Variants in DERA observed in about 807,000 individuals in gnomAD.
DERA encodes the protein deoxyribose-phosphate aldolase, also known as 2-deoxy-D-ribose 5-phosphate aldolase.
In DERA, 15 loss-of-function variants were observed where a neutral mutation model predicts 41.1. That is an observed-to-expected ratio of 0.37 (90% CI 0.24 to 0.56). The LOEUF (loss-of-function observed/expected upper bound fraction) is 0.56, where lower values mean the gene tolerates loss of function less well. Among genes scored for constraint, DERA ranks in the 20% least tolerant of loss-of-function variants. The pLI is 0.81. For missense variants in DERA, 396 were observed against 403.4 expected (o/e 0.98, Z 0.16); for synonymous variants, 139 against 137.4 (o/e 1.01, Z -0.08).
chr12:16,022,735 G>A (rs540987823), intron 6 of DERA, among the ~76,000 whole-genome samples: 1 of 152,318 alleles, frequency 6.6e-6, no homozygotes, highest in Admixed American at 6.5e-5. Flanking sequence ...GAGCGTCTCA[G>A]CTGAAATTTG....
Position 15,996,687 on chromosome 12 carries a change from G to A in DERA, c.637+14251G>A, listed in dbSNP as rs1948840387. Among the ~76,000 whole-genome samples the A allele has an allele frequency of 6.6e-6, 1 of 152,094 alleles. No individual in the cohort carries two copies. Among genetic ancestry groups the A allele is most frequent in the Non-Finnish European group, 1.5e-5 (1 of 68,014 alleles). On this transcript the variant is annotated intron_variant, in intron 6 of 8. Coordinates refer to ENST00000428559, the MANE Select transcript of DERA (RefSeq NM_015954.4). This position sits in a 1 kb window ranked among gnomAD's most constrained non-coding sequence, Gnocchi z 4.7. ...AGATTTTGACATCTCTTTTTTGGGG[G>A]AAACAATTCAAAGCAAAGAGAAATA...
Position 15,959,629 on chromosome 12 carries a change from C to T in DERA, c.278-200C>T, listed in dbSNP as rs1189025743. ...ATCAAACTTGTTTTTATGACTTTAA[C>T]GATAAGAAAATAATCCATATTGTCA... is the stretch of plus-strand genomic sequence containing the variant. On this transcript the variant is annotated intron_variant, in intron 3 of 8. Coordinates refer to ENST00000428559, the MANE Select transcript of DERA (RefSeq NM_015954.4). The surrounding 1 kb of genome is among the most constrained non-coding windows in gnomAD (Gnocchi z 4.5). Among the ~76,000 whole-genome samples the T allele has an allele frequency of 2.0e-5, 3 of 151,906 alleles. No individual in the cohort carries two copies. The highest frequency in any genetic ancestry group is 1.3e-4 in the Admixed American group (2 of 15,264).
chr12:15,920,548 A>G (rs888973710), intron 1 of DERA, among the ~76,000 whole-genome samples: 1 of 152,210 alleles, frequency 6.6e-6, no homozygotes, highest in Non-Finnish European at 1.5e-5. Context: ...TATTTGTATT[A>G]TGGAAGCTGG....
rs910153062 is a variant in DERA, at chr12:16,012,596, G to T, written c.638-19946G>T. ...TGTTTAGACAAGAGAGAATAGTCAA[G>T]TGCTGTCACAGGGGATCTTCTTATT... On this transcript the variant is annotated intron_variant, in intron 6 of 8. Transcript: ENST00000428559. This position sits in a 1 kb window ranked among gnomAD's most constrained non-coding sequence, Gnocchi z 4.1. Among the ~76,000 whole-genome samples, 2 of 152,216 alleles carry T rather than the reference G, an allele frequency of 1.3e-5. No homozygotes were observed. The highest frequency in any genetic ancestry group is 2.9e-5 in the Non-Finnish European group (2 of 68,038).
At chr12:15,997,698 A>G (rs1196625078) in intron 6 of DERA, among the ~76,000 whole-genome samples, 1 of 152,224 alleles carries the variant, frequency 6.6e-6, no homozygotes, top group East Asian at 1.9e-4. Flanking sequence ...CATAAAATCC[A>G]TTGATTGTAT....
intron 1 of DERA, among the ~76,000 whole-genome samples, chr12:15,948,190 C>T (rs1014937572): frequency 3.3e-5 from 5 of 152,126 alleles, no homozygotes; most frequent in Non-Finnish European, 7.3e-5. Context: ...CTTGGAGTTG[C>T]TCTTCTCGAG....
chr12:16,001,238 G>A lies in DERA; in HGVS notation c.637+18802G>A, dbSNP rs1948872673. ...CCTATGTAACAAACCTGCACATTCTGCACATGTTTATCCTATTTTTTTGTT... is the reference window on the plus strand; with the variant it reads ...CCTATGTAACAAACCTGCACATTCTACACATGTTTATCCTATTTTTTTGTT... On this transcript the variant is annotated intron_variant, in intron 6 of 8. Coordinates refer to ENST00000428559, the MANE Select transcript of DERA (RefSeq NM_015954.4). The surrounding 1 kb of genome is among the most constrained non-coding windows in gnomAD (Gnocchi z 4.1). Among the ~76,000 whole-genome samples, 1 of 152,118 alleles carries A rather than the reference G, an allele frequency of 6.6e-6. No individual in the cohort carries two copies. Among genetic ancestry groups the A allele is most frequent in the Admixed American group, 6.5e-5 (1 of 15,272 alleles).
rs1414070678 is a variant in DERA, at chr12:15,983,397, G to A, written c.637+961G>A. ...AGTTACTTGCACTTCTCTGCAGATG[G>A]TGCCATCCAACCTTTTGAGTCTTTG... On this transcript the variant is annotated intron_variant, in intron 6 of 8. Transcript: ENST00000428559. The surrounding 1 kb of genome is among the most constrained non-coding windows in gnomAD (Gnocchi z 6.2). Among the ~76,000 whole-genome samples the A allele has an allele frequency of 2.0e-5, 3 of 152,100 alleles. No individual in the cohort carries two copies. The highest frequency in any genetic ancestry group is 4.4e-5 in the Non-Finnish European group (3 of 68,018).
chr12:15,931,579 G>A lies in DERA; in HGVS notation c.31+20165G>A, dbSNP rs1023438389. On this transcript the variant is annotated intron_variant, in intron 1 of 8. Transcript: ENST00000428559. This position sits in a 1 kb window ranked among gnomAD's most constrained non-coding sequence, Gnocchi z 4.6. ...ACTACATGTTTGGAAATCTAAATGT[G>A]CTTTATTAAGTCTTTTATGGAGTTA... 2.4e-4 allele frequency among the ~76,000 whole-genome samples: 37 copies of A among 152,296 alleles called. No individual in the cohort carries two copies. The highest frequency in any genetic ancestry group is 8.4e-4 in the African/African-American group (35 of 41,564).
chr12:16,015,784 A>G (rs1031177179), intron 6 of DERA, among the ~76,000 whole-genome samples: 2 of 152,214 alleles, frequency 1.3e-5, no homozygotes, highest in African/African-American at 4.8e-5. Context: ...ACAACTTTAA[A>G]ATATAAATTC....
intron 5 of DERA, among the ~76,000 whole-genome samples, chr12:15,978,280 G>A (rs1174147172): frequency 6.6e-6 from 1 of 152,154 alleles, no homozygotes; most frequent in Non-Finnish European, 1.5e-5. Context: ...TTGTGTTGGA[G>A]TGAAGTGGTC....
chr12:15,960,547 G>C (rs1313316537), intron 4 of DERA, among the ~76,000 whole-genome samples: 2 of 135,018 alleles, frequency 1.5e-5, no homozygotes, highest in African/African-American at 5.5e-5. Context: ...TGAGGCTGGA[G>C]AATCGTTTGA....
Position 15,911,369 on chromosome 12 carries a change from G to C in DERA, c.-15G>C. 7.1e-7 allele frequency: 1 copy of C among 1,412,020 alleles called. No individual in the cohort carries two copies. The highest frequency in any genetic ancestry group is 9.1e-7 in the Non-Finnish European group (1 of 1,096,150). 87.5% of individuals were successfully genotyped at this position (1,412,020 alleles called of 1,614,324 possible). A position where few individuals can be genotyped will look rare whatever the true frequency, so the allele number is the denominator to read the frequency against. On this transcript the variant is annotated 5_prime_UTR_variant, in exon 1 of 9. Coordinates refer to ENST00000428559, the MANE Select transcript of DERA (RefSeq NM_015954.4). The surrounding 1 kb of genome is among the most constrained non-coding windows in gnomAD (Gnocchi z 4.5). The stretch of plus-strand genomic sequence containing the variant: ...CGGGCGCCTACCAGCCGGCAGCTCC[G>C]GAGCTGCCCGCGCCATGTCCGCGCA...
At chr12:16,031,021 T>A (rs1004276000) in intron 6 of DERA, among the ~76,000 whole-genome samples, 1 of 152,238 alleles carries the variant, frequency 6.6e-6, no homozygotes, top group African/African-American at 2.4e-5. Flanking sequence ...TCTCTTTGTA[T>A]AATAATTGAC....
Position 15,931,148 on chromosome 12 carries a change from T to C in DERA, c.31+19734T>C, listed in dbSNP as rs981743633. On this transcript the variant is annotated intron_variant, in intron 1 of 8. Coordinates refer to ENST00000428559, the MANE Select transcript of DERA (RefSeq NM_015954.4). The surrounding 1 kb of genome is among the most constrained non-coding windows in gnomAD (Gnocchi z 4.6). ...TATTGTTTGCGGATCTGTTTTAGCA[T>C]GCAAGTATTCTTGCAGTCACTCTAA... Among the ~76,000 whole-genome samples the C allele has an allele frequency of 1.3e-5, 2 of 152,268 alleles. No individual in the cohort carries two copies. The highest frequency in any genetic ancestry group is 2.9e-5 in the Non-Finnish European group (2 of 68,044).
intron 5 of DERA, among the ~76,000 whole-genome samples, chr12:15,963,665 C>A (rs1223373807): frequency 6.6e-6 from 1 of 152,054 alleles, no homozygotes; most frequent in Non-Finnish European, 1.5e-5. Flanking sequence ...AATAGTTTAA[C>A]CAAAAATTTT....
intron 5 of DERA, among the ~76,000 whole-genome samples, chr12:15,968,245 G>A (rs1948637066): frequency 6.6e-6 from 1 of 152,134 alleles, no homozygotes. Flanking sequence ...ATACTAATCA[G>A]TTGATTAATT....
Position 16,003,170 on chromosome 12 carries a change from G to C in DERA, c.637+20734G>C, listed in dbSNP as rs571979465. Among the ~76,000 whole-genome samples, 1 of 152,150 alleles carries C rather than the reference G, an allele frequency of 6.6e-6. No homozygotes were observed. The highest frequency in any genetic ancestry group is 2.1e-4 in the South Asian group (1 of 4,814). On this transcript the variant is annotated intron_variant, in intron 6 of 8. Transcript: ENST00000428559. This position sits in a 1 kb window ranked among gnomAD's most constrained non-coding sequence, Gnocchi z 4.8. ...TTGTTGCCTATCTTTGGTGTTTCTT[G>C]GCTTGTAGAAGCCTCACCCTGGTCT...
intron 4 of DERA, among the ~76,000 whole-genome samples, chr12:15,962,384 T>C (rs970281730): frequency 6.6e-6 from 1 of 152,150 alleles, no homozygotes; most frequent in Non-Finnish European, 1.5e-5. Flanking sequence ...AAATCAAGGG[T>C]AAATGAGTAA....
Sources: gnomAD v4.1 joint callset for allele counts (sites outside exome capture counted in the v4.1 genomes callset) on GRCh38, gnomAD v4.1.1 for gene constraint, Gnocchi (gnomAD v3.1) non-coding constraint, MANE v1.5 for transcripts, NCBI Gene and HGNC (gene_info 2026-07-23, HGNC 2026-07-21) for gene names.